TBCK: variants seen among roughly 807,000 people sequenced by gnomAD.
The protein encoded by TBCK is TBC1 domain containing kinase.
Under a neutral mutation model 113.4 loss-of-function variants are expected in TBCK, and 99 were observed. That is an observed-to-expected ratio of 0.87 (90% CI 0.74 to 1.03). TBCK has a LOEUF of 1.03. TBCK is among the 50% of genes least tolerant of loss of function. The pLI, the probability that TBCK is intolerant of heterozygous loss-of-function variation, is 0.00. For synonymous variants in TBCK, 369 were observed against 370.8 expected (o/e 1.00, Z 0.05); for missense variants, 1,045 against 1,061.3 (o/e 0.98, Z 0.21).
At chr4:106,115,581 C>T (rs965045224) in intron 24 of TBCK, among the ~76,000 whole-genome samples, 1 of 151,908 alleles carries the variant, frequency 6.6e-6, no homozygotes, top group Admixed American at 6.6e-5. Context: ...AAAGTGAAAA[C>T]CATTTATCTA....
chr4:106,086,495 C>T (rs1011493684), intron 25 of TBCK, among the ~76,000 whole-genome samples: 1 of 152,170 alleles, frequency 6.6e-6, no homozygotes, highest in African/African-American at 2.4e-5. Context: ...CTGAATTCTA[C>T]CAGAAATACA....
intron 23 of TBCK, among the ~76,000 whole-genome samples, chr4:106,116,780 A>G (rs1743566970): frequency 6.6e-6 from 1 of 152,098 alleles, no homozygotes; most frequent in African/African-American, 2.4e-5. Flanking sequence ...ATGAGAATCT[A>G]ATGCCTGATG....
rs549688831 is a variant in TBCK at position 106,074,545 on chromosome 4, G to C, written c.2571+20937C>G. On this transcript the variant is annotated intron_variant, in intron 25 of 25. Transcript: ENST00000394708. ...TATGATGACTTAGAATAAATAATTT[G>C]TGCAAATTAACACAGCTGGTAAGAA... 6.6e-5 allele frequency among the ~76,000 whole-genome samples: 10 copies of C among 152,216 alleles called. No homozygotes were observed. In the South Asian group the frequency reaches 1.9e-3, roughly 28 times the overall value.
chr4:106,063,190 G>A (rs1172311400), intron 25 of TBCK, among the ~76,000 whole-genome samples: 2 of 151,834 alleles, frequency 1.3e-5, no homozygotes, highest in African/African-American at 2.4e-5. Context: ...ATTTGCTGAC[G>A]AGCAAGGCAA....
chr4:106,098,629 GAAT>G (rs56342333), intron 24 of TBCK, among the ~76,000 whole-genome samples: 19,447 of 151,956 alleles, frequency 0.13, 1,545 homozygotes, highest in South Asian at 0.24. Context: ...CTCTAGACTG[GAAT>G]AATAATAGTT....
chr4:106,250,014 G>GA (rs1761252747), intron 7 of TBCK, among the ~76,000 whole-genome samples: 1 of 151,868 alleles, frequency 6.6e-6, no homozygotes, highest in Admixed American at 6.6e-5. Context: ...CTTTTATAAG[G>GA]AAAAATCAAT....
rs1751751190 is a variant in TBCK at position 106,177,026 on chromosome 4, A to G, written c.2060-5756T>C. Among the ~76,000 whole-genome samples, 3 of 151,362 alleles carry G rather than the reference A, an allele frequency of 2.0e-5. No homozygotes were observed. In the South Asian group the frequency reaches 6.2e-4, roughly 32 times the overall value. ...AGGTTAGAGTGTAATGACTACAGAC[A>G]TGATCATAGACTATGACCTACGACA... On this transcript the variant is annotated intron_variant, in intron 22 of 25. Coordinates refer to ENST00000394708, the MANE Select transcript of TBCK (RefSeq NM_001163435.3).
chr4:106,288,820 A>T (rs544827870), intron 3 of TBCK, among the ~76,000 whole-genome samples: 4 of 152,360 alleles, frequency 2.6e-5, no homozygotes, highest in South Asian at 2.1e-4. Flanking sequence ...TGATACCACA[A>T]GTAGAAAATT....
chr4:106,195,791 C>T (rs987695904), intron 20 of TBCK, among the ~76,000 whole-genome samples: 2 of 151,920 alleles, frequency 1.3e-5, no homozygotes, highest in African/African-American at 2.4e-5. Flanking sequence ...TCAATTATAC[C>T]ACTGGCTTTC....
At chr4:106,191,986 T>G (rs1408805092) in intron 22 of TBCK, among the ~76,000 whole-genome samples, 1 of 152,154 alleles carries the variant, frequency 6.6e-6, no homozygotes, top group Non-Finnish European at 1.5e-5. Context: ...ACTGTACAAT[T>G]CCTTTCAGTT....
intron 19 of TBCK, among the ~76,000 whole-genome samples, chr4:106,214,016 G>C (rs1756523901): frequency 6.6e-6 from 1 of 152,158 alleles, no homozygotes. Flanking sequence ...TGCAGCTGGA[G>C]GTCTGAGAAC....
intron 25 of TBCK, among the ~76,000 whole-genome samples, chr4:106,058,154 T>C (rs1735644613): frequency 6.6e-6 from 1 of 151,816 alleles, no homozygotes; most frequent in Admixed American, 6.6e-5. Flanking sequence ...CAATGCAACA[T>C]AGTCCCTCTC....
At chr4:106,077,082 T>C (rs113288027) in intron 25 of TBCK, among the ~76,000 whole-genome samples, 3 of 151,810 alleles carry the variant, frequency 2.0e-5, no homozygotes, top group African/African-American at 4.8e-5. Context: ...GCTGGGGAGA[T>C]AGATAGAGCA....
At position 106,247,246 on chromosome 4, in the gene TBCK, T is replaced by G; in HGVS notation, c.824A>C (p.Glu275Ala). 1 of 1,612,050 alleles carries G rather than the reference T, an allele frequency of 6.2e-7. No homozygotes were observed. Among genetic ancestry groups the G allele is most frequent in the Non-Finnish European group, 8.5e-7 (1 of 1,178,420 alleles). ...DQLMKDKVFS[E>A]VSPLYTPFTK... is the part of the protein sequence containing the mutation. Reference sequence around the variant, plus strand: ...AAAGGGGGTATATAAAGGTGATACCTCACTGAATACTTTGTCCTTCATTAA... The same window carrying G: ...AAAGGGGGTATATAAAGGTGATACCGCACTGAATACTTTGTCCTTCATTAA... The change falls in exon 10 of 26, where the codon GAG becomes GCG. Residue 275 changes from glutamate to alanine, a missense_variant. Physicochemically the swap from Glu to Ala is moderately radical, Grantham distance 107. Coordinates refer to ENST00000394708, the MANE Select transcript of TBCK (RefSeq NM_001163435.3).
chr4:106,117,130 A>G (rs1417449570), intron 23 of TBCK, among the ~76,000 whole-genome samples: 1 of 152,084 alleles, frequency 6.6e-6, no homozygotes, highest in Non-Finnish European at 1.5e-5. Context: ...TATTGTTTTG[A>G]TTGACTGCAA....
rs575172532 is a variant in TBCK at position 106,125,129 on chromosome 4, A to T, written c.2236-8751T>A. On this transcript the variant is annotated intron_variant, in intron 23 of 25. Transcript: ENST00000394708. ...GAATGCTAGTACACTGTTGGTGGGA[A>T]TGTAAATTAGTATAGCCACTATGGA... Among the ~76,000 whole-genome samples, 89 of 152,248 alleles carry T rather than the reference A, an allele frequency of 5.8e-4. 3 individuals carry two copies. Among genetic ancestry groups the T allele is most frequent in the Admixed American group, 1.6e-3 (25 of 15,280 alleles).
chr4:106,259,415 A>C (rs746256633), intron 5 of TBCK, among the ~76,000 whole-genome samples: 3 of 151,902 alleles, frequency 2.0e-5, no homozygotes, highest in Non-Finnish European at 4.4e-5. Context: ...AAACAGTCAC[A>C]TTACAATTGA....
intron 22 of TBCK, among the ~76,000 whole-genome samples, chr4:106,188,173 T>G (rs951300103): frequency 1.2e-4 from 19 of 152,208 alleles, no homozygotes; most frequent in African/African-American, 4.6e-4. Context: ...TTCAGCCTCA[T>G]GCTGGCTGTT....
Position 106,262,115 on chromosome 4 carries a change from T to A in TBCK, c.364A>T (p.Ile122Phe), listed in dbSNP as rs1762563008. ...IVHRALSPHN[I>F]LLDRKGHIKL... ...ACAATTACCTTTCGGTCCAACAGGA[T>A]ATTATGAGGAGACAATGCCCTGTGT... The change falls in exon 4 of 26, where the codon ATC (isoleucine) becomes TTC (phenylalanine). Residue 122 changes from isoleucine (I) to phenylalanine (F), a missense_variant. Ile to Phe is a conservative substitution (Grantham distance 21). Transcript: ENST00000394708. The A allele has an allele frequency of 6.5e-7, 1 of 1,535,084 alleles. No individual in the cohort carries two copies. The highest frequency in any genetic ancestry group is 8.8e-7 in the Non-Finnish European group (1 of 1,136,858).
Sources: gnomAD v4.1 joint callset for allele counts (sites outside exome capture counted in the v4.1 genomes callset) on GRCh38, gnomAD v4.1.1 for gene constraint, MANE v1.5 for transcripts, NCBI Gene and HGNC (gene_info 2026-07-23, HGNC 2026-07-21) for gene names.